PHC2: variants seen among roughly 807,000 people sequenced by gnomAD.
PHC2 encodes polyhomeotic homolog 2.
In PHC2, 29 loss-of-function variants were observed where a neutral mutation model predicts 87.4. The observed-to-expected ratio is 0.33, with a 90% CI of 0.25 to 0.45. The LOEUF is 0.45. PHC2 is among the 20% of genes least tolerant of loss of function. PHC2 has a pLI of 1.00. For missense variants in PHC2, 857 were observed against 1,136.7 expected (o/e 0.75, Z 3.54); for synonymous variants, 438 against 461.7 (o/e 0.95, Z 0.66).
At chr1:33,374,422 G>A (rs546323274) in intron 2 of PHC2, among the ~76,000 whole-genome samples, 1 of 152,188 alleles carries the variant, frequency 6.6e-6, no homozygotes. Context: ...CAAGGGTAGG[G>A]GCAGGAAACA....
At position 33,334,057 on chromosome 1, in the gene PHC2, T is replaced by TAA; in HGVS notation, c.1761+31_1761+32dup. The TAA allele has an allele frequency of 2.4e-5, 32 of 1,308,366 alleles. No individual in the cohort carries two copies. Among genetic ancestry groups the TAA allele is most frequent in the East Asian group, 5.5e-5 (2 of 36,586 alleles). 81.0% of individuals were successfully genotyped at this position (1,308,366 alleles called of 1,614,324 possible). ...TTCTAAGACACATCCAAAATATACTTAAAAAAAAAAGGGGAAAAGAAGTAG... is the reference window on the plus strand; with the variant it reads ...TTCTAAGACACATCCAAAATATACTTAAAAAAAAAAAAGGGGAAAAGAAGTAG... On this transcript the variant is annotated intron_variant, in intron 10 of 14. Transcript: ENST00000683057. This position sits in a 1 kb window ranked among gnomAD's most constrained non-coding sequence, Gnocchi z 5.5.
chr1:33,361,583 C>T (rs1647195821), intron 7 of PHC2, among the ~76,000 whole-genome samples: 1 of 152,198 alleles, frequency 6.6e-6, no homozygotes, highest in South Asian at 2.1e-4. Context: ...TCAAGTGATC[C>T]GCCTGTCTCG....
At chr1:33,416,811 T>G (rs1650230333) in intron 1 of PHC2, among the ~76,000 whole-genome samples, 1 of 152,010 alleles carries the variant, frequency 6.6e-6, no homozygotes, top group African/African-American at 2.4e-5. Context: ...AGTTATTTAG[T>G]CTAAAGAAAT....
chr1:33,352,407 C>T (rs1646990512), intron 9 of PHC2, among the ~76,000 whole-genome samples: 1 of 152,074 alleles, frequency 6.6e-6, no homozygotes, highest in African/African-American at 2.4e-5. Context: ...GTGGTCTTAC[C>T]TTTAAAATGA....
intron 14 of PHC2, among the ~76,000 whole-genome samples, chr1:33,326,898 G>A (rs906218771): frequency 3.3e-5 from 5 of 152,182 alleles, no homozygotes; most frequent in South Asian, 2.1e-4. Context: ...GCAGTGAGCC[G>A]AGATCACGCC....
chr1:33,338,529 T>C (rs1646683772), intron 9 of PHC2, among the ~76,000 whole-genome samples: 2 of 152,232 alleles, frequency 1.3e-5, no homozygotes, highest in African/African-American at 4.8e-5. Context: ...ATTCCTGGAA[T>C]GACCGAACAC....
intron 1 of PHC2, among the ~76,000 whole-genome samples, chr1:33,412,412 G>A (rs374232480): frequency 1.5e-4 from 23 of 152,238 alleles, no homozygotes; most frequent in African/African-American, 5.1e-4. Context: ...ACGTGCGTGC[G>A]CGTGCATTCA....
At chr1:33,427,619 C>G (rs1362075430) in intron 1 of PHC2, among the ~76,000 whole-genome samples, 3 of 152,154 alleles carry the variant, frequency 2.0e-5, no homozygotes, top group African/African-American at 7.2e-5. Context: ...CAAAAAGTTA[C>G]CAATGACCTT....
At chr1:33,357,365 T>TG (rs1647110324) in intron 7 of PHC2, among the ~76,000 whole-genome samples, 2 of 152,210 alleles carry the variant, frequency 1.3e-5, no homozygotes, top group Non-Finnish European at 2.9e-5. Context: ...AAGTTTTGAA[T>TG]GGTCTCATCC....
intron 1 of PHC2, among the ~76,000 whole-genome samples, chr1:33,408,627 A>AT (rs986746561): frequency 6.6e-6 from 1 of 151,784 alleles, no homozygotes; most frequent in Non-Finnish European, 1.5e-5. Flanking sequence ...TAACCGGCTA[A>AT]TTTTTTTGTT....
chr1:33,345,537 G>T, intron 9 of PHC2: 2 of 984,840 alleles, frequency 2.0e-6, no homozygotes, highest in Non-Finnish European at 2.4e-6. Context: ...TTTCTATGCT[G>T]GTCTACATGG....
At chr1:33,386,793 TCACAGTGTGCGCACACACAC>T (rs1256320669) in intron 1 of PHC2, among the ~76,000 whole-genome samples, 1 of 151,828 alleles carries the variant, frequency 6.6e-6, no homozygotes, top group African/African-American at 2.4e-5. Context: ...CGCACACACA[TCACAGTGTGCGCACACACAC>T]CCTGCACACA....
intron 5 of PHC2, 134 bp downstream of exon 5, chr1:33,370,286 TC>T (rs1466882116): frequency 3.8e-6 from 3 of 797,168 alleles, no homozygotes; most frequent in Non-Finnish European, 5.8e-6. Flanking sequence ...CAGGCCCCCT[TC>T]TTTATCCCAC....
rs536766656 is a variant in PHC2, at chr1:33,349,860, G to T, written c.1558+4541C>A. The T allele has an allele frequency of 2.1e-6, 2 of 975,260 alleles. No homozygotes were observed. Among genetic ancestry groups the T allele is most frequent in the East Asian group, 1.2e-4 (1 of 8,624 alleles). 60.4% of individuals were successfully genotyped at this position (975,260 alleles called of 1,614,324 possible). ...CGGCCGGGGTTGCGCGCGCGCGCGC[G>T]GCGGGCGCTCGAGGGCTGCAGCCGC... On this transcript the variant is annotated intron_variant, in intron 9 of 14. Transcript: ENST00000683057. The surrounding 1 kb of genome is among the most constrained non-coding windows in gnomAD (Gnocchi z 4.2).
chr1:33,330,004 C>T (rs943639292), intron 13 of PHC2, 67 bp downstream of exon 13: 45 of 1,566,248 alleles, frequency 2.9e-5, no homozygotes, highest in Non-Finnish European at 3.7e-5. Context: ...ACCGTGGTGT[C>T]GAGGGCCATG....
intron 9 of PHC2, among the ~76,000 whole-genome samples, chr1:33,342,847 A>T (rs1570461675): frequency 1.3e-5 from 2 of 152,328 alleles, no homozygotes; most frequent in East Asian, 3.9e-4. Flanking sequence ...ATGATTTCAA[A>T]ACGCAAAATG....
At position 33,349,725 on chromosome 1, in the gene PHC2, C is replaced by G; in HGVS notation, c.1558+4676G>C. The G allele has an allele frequency of 1.0e-6, 1 of 994,636 alleles. No homozygotes were observed. Among genetic ancestry groups the G allele is most frequent in the Non-Finnish European group, 1.2e-6 (1 of 835,022 alleles). 61.6% of individuals were successfully genotyped at this position (994,636 alleles called of 1,614,324 possible). On this transcript the variant is annotated intron_variant, in intron 9 of 14. Transcript: ENST00000683057. This position sits in a 1 kb window ranked among gnomAD's most constrained non-coding sequence, Gnocchi z 4.2. ...CGCCGGGAGCCTCCGAGCCGGGGCCCGGGGCTGCCGCGGCGCATCCGACCG... is the reference window on the plus strand; with the variant it reads ...CGCCGGGAGCCTCCGAGCCGGGGCCGGGGGCTGCCGCGGCGCATCCGACCG...
intron 7 of PHC2, among the ~76,000 whole-genome samples, chr1:33,357,106 T>G (rs574635064): frequency 1.8e-4 from 27 of 152,368 alleles, no homozygotes; most frequent in African/African-American, 6.0e-4. Flanking sequence ...GAATCTGTCC[T>G]GTTTAAAAAC....
rs1468960194 is a variant in PHC2 at position 33,364,164 on chromosome 1, G to T, written c.976+2952C>A. ...CTGTCAGTGGGAGCAGTCCCAGCTG[G>T]GACTGGAGGGTCTGCCTGCTCTGGG... On this transcript the variant is annotated intron_variant, in intron 7 of 14. Transcript: ENST00000683057. This position sits in a 1 kb window ranked among gnomAD's most constrained non-coding sequence, Gnocchi z 4.1. 6.6e-6 allele frequency among the ~76,000 whole-genome samples: 1 copy of T among 152,018 alleles called. No homozygotes were observed. Among genetic ancestry groups the T allele is most frequent in the African/African-American group, 2.4e-5 (1 of 41,368 alleles).
Sources: allele counts gnomAD v4.1 joint callset (sites outside exome capture counted in the v4.1 genomes callset), GRCh38; gene constraint gnomAD v4.1.1; non-coding constraint Gnocchi (gnomAD v3.1); transcripts MANE v1.5; gene names NCBI Gene and HGNC (gene_info 2026-07-23, HGNC 2026-07-21).